Variants in POLR2H observed in about 807,000 individuals in gnomAD.
The protein encoded by POLR2H is RNA polymerase II, I and III subunit H, also known as DNA-directed RNA polymerases I, II, and III subunit RPABC3.
Under a neutral mutation model 18.1 loss-of-function variants are expected in POLR2H, and 3 were observed. The ratio of observed to expected loss-of-function variants is 0.17; its 90% CI spans 0.08 to 0.43. POLR2H has a LOEUF of 0.43. POLR2H is among the 20% of genes least tolerant of loss of function. The pLI is 0.99. For missense variants in POLR2H, 103 were observed against 184.6 expected, an observed-to-expected ratio of 0.56 and a Z score of 2.56; for synonymous variants, 76 against 69.0, an observed-to-expected ratio of 1.10 and a Z score of -0.50.
chr3:184,362,365 G>C lies in POLR2H; in HGVS notation c.-621+219G>C, dbSNP rs569756797. Reference sequence around the variant, plus strand: ...GGGGGAACTGCCTGCTGGTGTTCTGGGTTCTCTATCAGGGGCTGGGGAAGG... The same window carrying C: ...GGGGGAACTGCCTGCTGGTGTTCTGCGTTCTCTATCAGGGGCTGGGGAAGG... On this transcript the variant is annotated intron_variant, in intron 1 of 5. Coordinates refer to ENST00000456318, the MANE Select transcript of POLR2H (RefSeq NM_006232.5). The surrounding 1 kb of genome is among the most constrained non-coding windows in gnomAD (Gnocchi z 5.9). 6.6e-6 allele frequency: 1 copy of C among 152,598 alleles called. No homozygotes were observed. The highest frequency in any genetic ancestry group is 2.4e-5 in the African/African-American group (1 of 41,548). The allele number at this position is 152,598 out of a possible 1,614,324, so 9.5% of individuals were successfully genotyped here.
At chr3:184,367,160 TGTGTGTGTGTG>T (rs1713451093) in intron 5 of POLR2H, among the ~76,000 whole-genome samples, 1 of 151,922 alleles carries the variant, frequency 6.6e-6, no homozygotes, top group African/African-American at 2.4e-5. Flanking sequence ...TGTGTGTGTG[TGTGTGTGTGTG>T]GCTACTCTGT....
chr3:184,365,228 T>TG lies in POLR2H; in HGVS notation c.251+3dup. 2 of 1,565,840 alleles carry TG rather than the reference T, an allele frequency of 1.3e-6. No homozygotes were observed. The highest frequency in any genetic ancestry group is 1.8e-6 in the Non-Finnish European group (2 of 1,136,046). On this transcript the variant is annotated splice_region_variant and intron_variant, in intron 4 of 5. Transcript: ENST00000456318. ...CCCCACTGATGATAGGCCTTCCAGG[T>TG]GAGGGAGTGGAGAAGGTAATACTTG...
Position 184,363,217 on chromosome 3 carries a change from C to T in POLR2H, c.-276C>T, listed in dbSNP as rs1357542328. On this transcript the variant is annotated 5_prime_UTR_variant, in exon 2 of 6. Coordinates refer to ENST00000456318, the MANE Select transcript of POLR2H (RefSeq NM_006232.5). ...GCTCTACAGCCTATTGCTTCCCCGC[C>T]CTGGGCAGAGCCACCTGGACATGAG... 3.9e-6 allele frequency: 2 copies of T among 517,468 alleles called. No homozygotes were observed. Among genetic ancestry groups the T allele is most frequent in the Non-Finnish European group, 7.1e-6 (2 of 283,536 alleles). 32.1% of individuals were successfully genotyped at this position (517,468 alleles called of 1,614,324 possible). A position where few individuals can be genotyped will look rare whatever the true frequency, so the allele number is the denominator to read the frequency against.
rs1712983893 is a variant in POLR2H at position 184,364,962 on chromosome 3, C to T, written c.74-4C>T. ...TCTGTCACTCTTTTCCTGCTTCTCCCCAGTGTCTCGACTGCATTGTGAGAG... is the reference window on the plus strand; with the variant it reads ...TCTGTCACTCTTTTCCTGCTTCTCCTCAGTGTCTCGACTGCATTGTGAGAG... On this transcript the variant is annotated splice_region_variant and splice_polypyrimidine_tract_variant and intron_variant, in intron 2 of 5. Transcript: ENST00000456318. 2 of 1,602,220 alleles carry T rather than the reference C, an allele frequency of 1.2e-6. No individual in the cohort carries two copies. Among genetic ancestry groups the T allele is most frequent in the East Asian group, 2.2e-5 (1 of 44,840 alleles).
chr3:184,364,200 T>C (rs1377125466), intron 2 of POLR2H, among the ~76,000 whole-genome samples: 1 of 152,158 alleles, frequency 6.6e-6, no homozygotes, highest in African/African-American at 2.4e-5. Context: ...CTTTGTGAAG[T>C]CTTCTTTGAG....
Position 184,365,237 on chromosome 3 carries a change from G to A in POLR2H, c.251+11G>A. 6.6e-7 allele frequency: 1 copy of A among 1,509,674 alleles called. No homozygotes were observed. Among genetic ancestry groups the A allele is most frequent in the Non-Finnish European group, 9.2e-7 (1 of 1,084,678 alleles). The allele number at this position is 1,509,674 out of a possible 1,614,324, so 93.5% of individuals were successfully genotyped here. A position where few individuals can be genotyped will look rare whatever the true frequency, so the allele number is the denominator to read the frequency against. ...TGATAGGCCTTCCAGGTGAGGGAGT[G>A]GAGAAGGTAATACTTGAAATATGCC... On this transcript the variant is annotated intron_variant, in intron 4 of 5. Coordinates refer to ENST00000456318, the MANE Select transcript of POLR2H (RefSeq NM_006232.5).
In POLR2H at chr3:184,368,572, C is replaced by T. The variant is rs562667788; in HGVS notation, c.*278C>T. ...CCCCTTTTTGTAAAAAGTCCATTTA[C>T]TGTAAAATCGTTTTTTCCAGTTTGT... is the stretch of plus-strand genomic sequence containing the variant. On this transcript the variant is annotated 3_prime_UTR_variant, in exon 6 of 6. Transcript: ENST00000456318. The T allele has an allele frequency of 6.3e-6, 2 of 319,244 alleles. No homozygotes were observed. The highest frequency in any genetic ancestry group is 4.3e-5 in the African/African-American group (2 of 46,668). 19.8% of individuals were successfully genotyped at this position (319,244 alleles called of 1,614,324 possible).
At chr3:184,368,119 A>G (rs985365936) in intron 5 of POLR2H, 58 bp from the exon 6 acceptor site, 98 of 1,613,184 alleles carry the variant, frequency 6.1e-5, no homozygotes, top group Non-Finnish European at 7.9e-5. Flanking sequence ...TTAGGCTGAG[A>G]TTGAGAGCTG....
intron 4 of POLR2H, 186 bp from the exon 5 acceptor site, chr3:184,366,531 G>A (rs932886434): frequency 3.4e-5 from 14 of 409,864 alleles, no homozygotes; most frequent in Non-Finnish European, 5.4e-5. Context: ...GTAGAGATGG[G>A]GTTTCACTGT....
chr3:184,366,757 A>G lies in POLR2H; in HGVS notation c.292A>G (p.Arg98Gly), dbSNP rs1480696078. The G allele has an allele frequency of 6.2e-7, 1 of 1,608,232 alleles. No individual in the cohort carries two copies. The highest frequency in any genetic ancestry group is 8.5e-7 in the Non-Finnish European group (1 of 1,174,698). ...GTATGTAATGTATGGAAAAGTGTACAGGATTGAGGGAGATGAAACTTCTAC... is the reference window on the plus strand; with the variant it reads ...GTATGTAATGTATGGAAAAGTGTACGGGATTGAGGGAGATGAAACTTCTAC... ...FEYVMYGKVY[R>G]IEGDETSTEA... The change falls in exon 5 of 6, where the codon AGG becomes GGG. Residue 98 changes from arginine (R) to glycine (G), a missense_variant. Arg to Gly is a moderately radical substitution (Grantham distance 125). Transcript: ENST00000456318.
chr3:184,363,438 C>G lies in POLR2H; in HGVS notation c.-55C>G. The G allele has an allele frequency of 1.4e-6, 2 of 1,444,312 alleles. No homozygotes were observed. The highest frequency in any genetic ancestry group is 1.9e-6 in the Non-Finnish European group (2 of 1,027,298). The allele number at this position is 1,444,312 out of a possible 1,614,324, so 89.5% of individuals were successfully genotyped here. ...TTGTCCACGCTAGGGGGTGCACGTA[C>G]TCCCAACTGTGGTCGCGCTCTCACC... On this transcript the variant is annotated 5_prime_UTR_variant, in exon 2 of 6. Transcript: ENST00000456318.
intron 2 of POLR2H, chr3:184,364,408 A>G: frequency 6.6e-6 from 1 of 152,240 alleles, no homozygotes; most frequent in Non-Finnish European, 1.5e-5. Flanking sequence ...TTGTATTTTT[A>G]GTAGAGACAG....
rs757848897 is a variant in POLR2H, at chr3:184,366,798, C to G, written c.333C>G (p.Arg111=). The part of the protein sequence containing the change: ...GDETSTEAAT[R]LSAYVSYGGL... ...AAACTTCTACTGAAGCAGCAACACG[C>G]CTGTAAGTTACGTAATCTTGTGAGG... Residue 111 remains arginine (R), a splice_region_variant and synonymous_variant, in exon 5 of 6, where the codon CGC becomes CGG. Coordinates refer to ENST00000456318, the MANE Select transcript of POLR2H (RefSeq NM_006232.5). 3.2e-6 allele frequency: 5 copies of G among 1,543,674 alleles called. No homozygotes were observed. The highest frequency in any genetic ancestry group is 1.8e-6 in the Non-Finnish European group (2 of 1,115,844).
intron 2 of POLR2H, 58 bp from the exon 3 acceptor site, chr3:184,364,908 C>T (rs1712968971): frequency 8.7e-7 from 1 of 1,145,232 alleles, no homozygotes; most frequent in East Asian, 2.3e-5. Context: ...CATACAATCC[C>T]ACACTGTAGG....
chr3:184,363,292 G>C lies in POLR2H; in HGVS notation c.-201G>C. ...TCGGAAGCAATCTTTCGGGACGGAA[G>C]TTAAGTAGCCCCGAGCGGGAGGCTG... is the stretch of plus-strand genomic sequence containing the variant. On this transcript the variant is annotated 5_prime_UTR_variant, in exon 2 of 6. Coordinates refer to ENST00000456318, the MANE Select transcript of POLR2H (RefSeq NM_006232.5). 1.6e-6 allele frequency: 1 copy of C among 617,820 alleles called. No homozygotes were observed. The highest frequency in any genetic ancestry group is 1.8e-5 in the South Asian group (1 of 55,004). 38.3% of individuals were successfully genotyped at this position (617,820 alleles called of 1,614,324 possible). A position where few individuals can be genotyped will look rare whatever the true frequency, so the allele number is the denominator to read the frequency against.
In POLR2H at chr3:184,363,445, C is replaced by CTGTGTG. The variant is rs776333245; in HGVS notation, c.-44_-43insTGTGTG. Reference sequence around the variant, plus strand: ...CGCTAGGGGGTGCACGTACTCCCAACTGTGGTCGCGCTCTCACCCCTTCTG... The same window carrying CTGTGTG: ...CGCTAGGGGGTGCACGTACTCCCAACTGTGTGTGTGGTCGCGCTCTCACCCCTTCTG... On this transcript the variant is annotated 5_prime_UTR_variant, in exon 2 of 6. Coordinates refer to ENST00000456318, the MANE Select transcript of POLR2H (RefSeq NM_006232.5). 1 of 1,496,782 alleles carries CTGTGTG rather than the reference C, an allele frequency of 6.7e-7. No individual in the cohort carries two copies. Among genetic ancestry groups the CTGTGTG allele is most frequent in the South Asian group, 1.1e-5 (1 of 88,162 alleles). The allele number at this position is 1,496,782 out of a possible 1,614,324, so 92.7% of individuals were successfully genotyped here.
intron 4 of POLR2H, 131 bp from the exon 5 acceptor site, chr3:184,366,586 C>T (rs904324924): frequency 1.4e-5 from 8 of 572,684 alleles, no homozygotes; most frequent in East Asian, 3.3e-5. Flanking sequence ...GATCTGCCCG[C>T]CTTGGCCTCC....
intron 4 of POLR2H, among the ~76,000 whole-genome samples, chr3:184,365,734 G>T (rs1428883243): frequency 6.6e-6 from 1 of 151,970 alleles, no homozygotes; most frequent in Admixed American, 6.5e-5. Flanking sequence ...AGCACTTTGG[G>T]AGGCCGAGGC....
chr3:184,363,906 C>G (rs1712771254), intron 2 of POLR2H, among the ~76,000 whole-genome samples: 1 of 152,192 alleles, frequency 6.6e-6, no homozygotes, highest in Non-Finnish European at 1.5e-5. Flanking sequence ...CAAAAATTAG[C>G]CTGGCGTGGT....
Sources: gnomAD v4.1 joint callset for allele counts (sites outside exome capture counted in the v4.1 genomes callset) on GRCh38, gnomAD v4.1.1 for gene constraint, Gnocchi (gnomAD v3.1) non-coding constraint, MANE v1.5 for transcripts, NCBI Gene and HGNC (gene_info 2026-07-23, HGNC 2026-07-21) for gene names.